The following ZBTB20 variants were observed in gnomAD, a reference collection of about 807,000 sequenced individuals.
The protein encoded by ZBTB20 is zinc finger and BTB domain-containing protein 20.
In ZBTB20, 9 loss-of-function variants were observed where a neutral mutation model predicts 56.9. That is an observed-to-expected ratio of 0.16 (90% CI 0.10 to 0.28). ZBTB20 has a LOEUF of 0.28. Among genes scored for constraint, ZBTB20 ranks in the 10% least tolerant of loss-of-function variants. The pLI is 1.00. For missense variants in ZBTB20, 655 were observed against 1,003.0 expected (o/e 0.65, Z 4.69); for synonymous variants, 417 against 420.7 (o/e 0.99, Z 0.11).
intron 7 of ZBTB20, chr3:114,454,539 G>A (rs1356333382): frequency 6.6e-6 from 1 of 150,976 alleles, no homozygotes; most frequent in Non-Finnish European, 1.5e-5. Flanking sequence ...TTTCCATCTC[G>A]GTTGCGACAC....
intron 4 of ZBTB20, among the ~76,000 whole-genome samples, chr3:114,812,496 C>A (rs1338232692): frequency 6.6e-6 from 1 of 152,188 alleles, no homozygotes; most frequent in Non-Finnish European, 1.5e-5. Flanking sequence ...TATTTACAAT[C>A]CCTGAGCTAG....
At chr3:114,420,020 G>A (rs1160465122) in intron 7 of ZBTB20, among the ~76,000 whole-genome samples, 2 of 152,122 alleles carry the variant, frequency 1.3e-5, no homozygotes, top group African/African-American at 4.8e-5. Flanking sequence ...AGTAATGAAA[G>A]GTAGGTCCCA....
At chr3:115,034,709 A>G (rs2080843226) in intron 2 of ZBTB20, among the ~76,000 whole-genome samples, 1 of 151,924 alleles carries the variant, frequency 6.6e-6, no homozygotes. Flanking sequence ...TTTCACAGAA[A>G]TAGAAAAACT....
At chr3:114,530,040 C>A (rs1240214549) in intron 6 of ZBTB20, among the ~76,000 whole-genome samples, 1 of 152,186 alleles carries the variant, frequency 6.6e-6, no homozygotes, top group East Asian at 1.9e-4. Context: ...CTGAAAAATT[C>A]CTAATGCCTA....
intron 6 of ZBTB20, among the ~76,000 whole-genome samples, chr3:114,631,382 C>CTGTTTTTTTTT (rs2058933524): frequency 2.0e-5 from 1 of 49,810 alleles, no homozygotes; most frequent in Non-Finnish European, 3.4e-5. Context: ...ATAGGTTATT[C>CTGTTTTTTTTT]TTTTTTTTTT....
chr3:115,078,895 G>A (rs1238073976), intron 1 of ZBTB20, among the ~76,000 whole-genome samples: 2 of 152,034 alleles, frequency 1.3e-5, no homozygotes, highest in Non-Finnish European at 2.9e-5. Flanking sequence ...ATTGTATCAA[G>A]TGAATTAAAA....
chr3:115,091,912 G>A (rs1486144486), intron 1 of ZBTB20, among the ~76,000 whole-genome samples: 1 of 152,006 alleles, frequency 6.6e-6, no homozygotes, highest in Non-Finnish European at 1.5e-5. Context: ...AATACAATGT[G>A]AGAGGTGATA....
chr3:114,746,138 ACCTACTGAAG>A (rs2067022896), intron 5 of ZBTB20, among the ~76,000 whole-genome samples: 1 of 152,180 alleles, frequency 6.6e-6, no homozygotes, highest in African/African-American at 2.4e-5. Flanking sequence ...GCAATTGAAT[ACCTACTGAAG>A]CCTTTGGGAA....
intron 3 of ZBTB20, among the ~76,000 whole-genome samples, chr3:114,966,519 C>T (rs1469357859): frequency 1.3e-5 from 2 of 151,858 alleles, no homozygotes; most frequent in Non-Finnish European, 2.9e-5. Context: ...TAATTATAAC[C>T]CCAAGAGATA....
chr3:114,547,307 G>A (rs537030405), intron 6 of ZBTB20, among the ~76,000 whole-genome samples: 1 of 152,258 alleles, frequency 6.6e-6, no homozygotes, highest in South Asian at 2.1e-4. Context: ...GTTTTGTGAA[G>A]ATAGTTTGAA....
intron 3 of ZBTB20, among the ~76,000 whole-genome samples, chr3:114,972,548 A>T (rs996799657): frequency 4.6e-5 from 7 of 152,272 alleles, no homozygotes; most frequent in African/African-American, 1.7e-4. Flanking sequence ...ATCATATTTC[A>T]TATTATTTGG....
Position 114,988,274 on chromosome 3 carries a change from C to T in ZBTB20, c.-506-13858G>A, listed in dbSNP as rs1246250149. On this transcript the variant is annotated intron_variant, in intron 2 of 11. Coordinates refer to ENST00000675478, the MANE Select transcript of ZBTB20 (RefSeq NM_001348800.3). Reference sequence around the variant, plus strand: ...CCTCCCCCAACCCCATGACAGGCCCCGGGGTGTGATGTTCCCCTTCCGGTG... The same window carrying T: ...CCTCCCCCAACCCCATGACAGGCCCTGGGGTGTGATGTTCCCCTTCCGGTG... Among the ~76,000 whole-genome samples the T allele has an allele frequency of 2.8e-5, 4 of 145,416 alleles. No homozygotes were observed. The East Asian group carries it at 8.2e-4, about 30-fold the overall frequency.
chr3:114,568,926 T>C (rs1198588060), intron 6 of ZBTB20, among the ~76,000 whole-genome samples: 1 of 152,078 alleles, frequency 6.6e-6, no homozygotes, highest in African/African-American at 2.4e-5. Context: ...CTCGGGTGAG[T>C]TCCTGGGTAC....
rs1553773263 is a variant in ZBTB20, at chr3:114,636,926, C to CAAA, written c.-295+56599_-295+56601dup. Among the ~76,000 whole-genome samples the CAAA allele has an allele frequency of 1.1e-3, 6 of 5,614 alleles. No homozygotes were observed. The Admixed American group carries it at 0.015, about 14-fold the overall frequency. The allele number at this position is 5,614 out of a possible 152,430, so 3.7% of individuals were successfully genotyped here. The stretch of plus-strand genomic sequence containing the variant: ...GTTAAAACAGCAACAACAACAACAA[C>CAAA]AAAAAACAACAACAACACACTTTAG... On this transcript the variant is annotated intron_variant, in intron 6 of 11. Coordinates refer to ENST00000675478, the MANE Select transcript of ZBTB20 (RefSeq NM_001348800.3).
At chr3:114,818,234 CA>C (rs1436151087) in intron 4 of ZBTB20, among the ~76,000 whole-genome samples, 1 of 151,986 alleles carries the variant, frequency 6.6e-6, no homozygotes, top group Non-Finnish European at 1.5e-5. Context: ...CTCATAATTT[CA>C]ATTGTGAATC....
intron 4 of ZBTB20, among the ~76,000 whole-genome samples, chr3:114,858,663 A>G (rs990716914): frequency 2.6e-5 from 4 of 152,118 alleles, no homozygotes; most frequent in African/African-American, 7.2e-5. Flanking sequence ...GTGCAGAAAC[A>G]TTCTTCAGCT....
intron 3 of ZBTB20, among the ~76,000 whole-genome samples, chr3:114,932,192 T>C (rs1464508154): frequency 6.6e-6 from 1 of 152,238 alleles, no homozygotes; most frequent in Non-Finnish European, 1.5e-5. Context: ...TCTTCAGATG[T>C]AGGGTTATGG....
rs1353761728 is a variant in ZBTB20 at position 114,338,138 on chromosome 3, T to C, written c.*867A>G. On this transcript the variant is annotated 3_prime_UTR_variant, in exon 12 of 12. Transcript: ENST00000675478. The stretch of plus-strand genomic sequence containing the variant: ...ATTGTTGGAAATAATCCTTCTCTTG[T>C]ACCTAGAAACATAGGTGCAAATTTC... 2 of 152,054 alleles carry C rather than the reference T, an allele frequency of 1.3e-5. No homozygotes were observed. The highest frequency in any genetic ancestry group is 2.9e-5 in the Non-Finnish European group (2 of 68,000). 9.4% of individuals were successfully genotyped at this position (152,054 alleles called of 1,614,324 possible).
At chr3:114,994,990 T>C (rs1560473556) in intron 2 of ZBTB20, among the ~76,000 whole-genome samples, 1 of 152,012 alleles carries the variant, frequency 6.6e-6, no homozygotes. Context: ...TTGCAAACCA[T>C]GGCATTATGG....
Sources: allele counts gnomAD v4.1 joint callset (sites outside exome capture counted in the v4.1 genomes callset), GRCh38; gene constraint gnomAD v4.1.1; transcripts MANE v1.5; gene names NCBI Gene and HGNC (gene_info 2026-07-23, HGNC 2026-07-21).